Variants in MME observed in about 807,000 individuals in gnomAD.
MME encodes neprilysin.
In MME, 98 loss-of-function variants were observed where a neutral mutation model predicts 113.2. The ratio of observed to expected loss-of-function variants is 0.87; its 90% confidence interval spans 0.74 to 1.02. The LOEUF is 1.02. Among genes scored for constraint, MME ranks in the 50% least tolerant of loss-of-function variants. MME has a pLI of 0.00. For missense variants in MME, 836 were observed against 896.0 expected, an observed-to-expected ratio of 0.93 and a Z score of 0.86; for synonymous variants, 292 against 300.6, an observed-to-expected ratio of 0.97 and a Z score of 0.30.
chr3:155,125,390 C>G (rs183369975), intron 8 of MME, among the ~76,000 whole-genome samples: 5 of 147,174 alleles, frequency 3.4e-5, no homozygotes, highest in Admixed American at 6.9e-5. Context: ...GCGTTGCTCA[C>G]GCTGGGAGCT....
intron 1 of MME, among the ~76,000 whole-genome samples, chr3:155,025,369 G>C (rs1474952873): frequency 6.6e-6 from 1 of 152,040 alleles, no homozygotes; most frequent in Non-Finnish European, 1.5e-5. Flanking sequence ...TAGAGACAAA[G>C]TATGGATCAC....
At chr3:155,055,102 T>C (rs1713882025) in intron 1 of MME, among the ~76,000 whole-genome samples, 1 of 152,166 alleles carries the variant, frequency 6.6e-6, no homozygotes. Context: ...ATTTATGTGT[T>C]CACAAAAAGA....
chr3:155,077,406 C>T (rs1714783412), upstream of MME, among the ~76,000 whole-genome samples: 1 of 152,130 alleles, frequency 6.6e-6, no homozygotes, highest in African/African-American at 2.4e-5. Context: ...GATCTTGGAC[C>T]ACCTCAGTAA....
intron 1 of MME, among the ~76,000 whole-genome samples, chr3:155,025,689 CTTTTTTTTT>C (rs775452382): frequency 9.2e-6 from 1 of 109,054 alleles, no homozygotes; most frequent in Admixed American, 9.6e-5. Context: ...TTCTTTCTTT[CTTTTTTTTT>C]TTTTTTTTTT....
At chr3:155,173,699 T>G (rs958669703) in intron 22 of MME, among the ~76,000 whole-genome samples, 3 of 152,024 alleles carry the variant, frequency 2.0e-5, no homozygotes, top group Non-Finnish European at 2.9e-5. Flanking sequence ...TTAGTTCTGC[T>G]AAGATATTCA....
chr3:155,098,989 G>A (rs772254871), intron 3 of MME, among the ~76,000 whole-genome samples: 13 of 152,086 alleles, frequency 8.5e-5, no homozygotes, highest in Middle Eastern at 3.2e-3. Flanking sequence ...TAGGTGAGGC[G>A]GGGATGGTTG....
In MME at chr3:155,172,628, C is replaced by T; in HGVS notation, c.2153+16C>T. ...GCAATTTCAGGTGCGTGGATATGAA[C>T]AGCAATCAAGGTGCTCTTATATTGG... On this transcript the variant is annotated intron_variant, in intron 22 of 22. Coordinates refer to ENST00000360490, the MANE Select transcript of MME (RefSeq NM_007289.4). 2 of 1,590,816 alleles carry T rather than the reference C, an allele frequency of 1.3e-6. No homozygotes were observed. The highest frequency in any genetic ancestry group is 3.3e-4 in the Middle Eastern group (2 of 6,004).
chr3:155,066,618 T>A (rs1159627544), intron 1 of MME, among the ~76,000 whole-genome samples: 1 of 152,260 alleles, frequency 6.6e-6, no homozygotes, highest in Non-Finnish European at 1.5e-5. Context: ...ACTTATGTAA[T>A]GTGTTTTCTA....
At chr3:155,136,027 C>T (rs1002667053) in intron 8 of MME, among the ~76,000 whole-genome samples, 3 of 152,228 alleles carry the variant, frequency 2.0e-5, no homozygotes, top group Admixed American at 6.5e-5. Flanking sequence ...TTTATGAGTT[C>T]CAGGAGCCCT....
intron 1 of MME, among the ~76,000 whole-genome samples, chr3:155,057,480 C>T (rs186018574): frequency 6.6e-6 from 1 of 151,862 alleles, no homozygotes; most frequent in Admixed American, 6.6e-5. Context: ...GAAATAGCAT[C>T]CTTTATACTA....
chr3:155,172,135 A>G lies in MME; in HGVS notation c.1999A>G (p.Lys667Glu). 6.2e-7 allele frequency: 1 copy of G among 1,605,748 alleles called. No homozygotes were observed. Among genetic ancestry groups the G allele is most frequent in the Non-Finnish European group, 8.5e-7 (1 of 1,172,722 alleles). The part of the protein sequence containing the change: ...QAYRAYQNYI[K>E]KNGEEKLLPG... Reference sequence around the variant, plus strand: ...TGCCTAGGCCTATCAGAATTATATTAAAAAGAATGGCGAAGAAAAATTACT... The same window carrying G: ...TGCCTAGGCCTATCAGAATTATATTGAAAAGAATGGCGAAGAAAAATTACT... The change falls in exon 21 of 23, where the codon AAA (lysine) becomes GAA (glutamate). Residue 667 changes from lysine (K) to glutamate (E), a missense_variant. Lys to Glu is a moderately conservative substitution (Grantham distance 56). Coordinates refer to ENST00000360490, the MANE Select transcript of MME (RefSeq NM_007289.4).
At chr3:155,068,735 T>A (rs547006992) in intron 1 of MME, among the ~76,000 whole-genome samples, 1 of 152,346 alleles carries the variant, frequency 6.6e-6, no homozygotes, top group Admixed American at 6.5e-5. Context: ...AGTAAAATAT[T>A]CTGAGTTTCT....
At chr3:155,117,085 A>G (rs1718687024) in intron 7 of MME, 99 bp downstream of exon 7, 13 of 773,534 alleles carry the variant, frequency 1.7e-5, no homozygotes, top group South Asian at 2.9e-5. Flanking sequence ...GCTATTTTCA[A>G]TTGAATTGAA....
intron 12 of MME, 49 bp downstream of exon 12, chr3:155,142,379 C>A: frequency 6.8e-7 from 1 of 1,474,254 alleles, no homozygotes; most frequent in Non-Finnish European, 9.5e-7. Flanking sequence ...TAAAGTGATA[C>A]ATGGTTATGA....
intron 1 of MME, among the ~76,000 whole-genome samples, chr3:155,050,770 A>G (rs1206450604): frequency 6.6e-6 from 1 of 152,116 alleles, no homozygotes; most frequent in Non-Finnish European, 1.5e-5. Context: ...ATTTTACCCT[A>G]TTCTCTAGTT....
intron 3 of MME, among the ~76,000 whole-genome samples, chr3:155,091,280 G>T (rs546764554): frequency 6.6e-6 from 1 of 152,274 alleles, no homozygotes; most frequent in Admixed American, 6.5e-5. Flanking sequence ...CTGTCAATCA[G>T]ATCCTTTCCA....
In MME at chr3:155,142,124, C is replaced by T. The variant is rs1334097141; in HGVS notation, c.1091C>T (p.Ala364Val). ...KLKPILTKYSARDLQNLMSWR... is the reference protein window; with the variant it reads ...KLKPILTKYSVRDLQNLMSWR... Reference sequence around the variant, plus strand: ...AAGCCCATTCTTACCAAATATTCTGCCAGGTAGGTATGTCACAGTCCCCAT... The same window carrying T: ...AAGCCCATTCTTACCAAATATTCTGTCAGGTAGGTATGTCACAGTCCCCAT... Residue 364 changes from alanine (A) to valine (V), a missense_variant, in exon 11 of 23, where the codon GCC becomes GTC. Physicochemically the swap from Ala to Val is moderately conservative, Grantham distance 64 (BLOSUM62 0). Coordinates refer to ENST00000360490, the MANE Select transcript of MME (RefSeq NM_007289.4). 6.2e-7 allele frequency: 1 copy of T among 1,613,642 alleles called. No homozygotes were observed. Among genetic ancestry groups the T allele is most frequent in the Non-Finnish European group, 8.5e-7 (1 of 1,179,784 alleles).
chr3:155,073,506 A>G (rs138721498), intron 1 of MME, among the ~76,000 whole-genome samples: 13 of 152,222 alleles, frequency 8.5e-5, no homozygotes, highest in Non-Finnish European at 1.9e-4. Context: ...TGTTTTAAAC[A>G]ATAGTAGTGG....
chr3:155,109,651 CT>C (rs1329007706), intron 3 of MME, among the ~76,000 whole-genome samples: 2 of 152,110 alleles, frequency 1.3e-5, no homozygotes, highest in African/African-American at 4.8e-5. Flanking sequence ...GTGGTTCCCC[CT>C]GACTGCACAT....
Sources: allele counts gnomAD v4.1 joint callset (sites outside exome capture counted in the v4.1 genomes callset), GRCh38; gene constraint gnomAD v4.1.1; transcripts MANE v1.5; gene names NCBI Gene and HGNC (gene_info 2026-07-23, HGNC 2026-07-21).